The following WDTC1 variants were observed in gnomAD, a reference collection of about 807,000 sequenced individuals.
WDTC1 encodes the protein WD and tetratricopeptide repeats 1, also known as WD and tetratricopeptide repeats protein 1.
In WDTC1, 12 loss-of-function variants were observed where a neutral mutation model predicts 76.0. That is an observed-to-expected ratio of 0.16 (90% CI 0.10 to 0.26). The LOEUF is 0.26. WDTC1 is among the 10% of genes least tolerant of loss of function. WDTC1 has a pLI of 1.00. For synonymous variants in WDTC1, 326 were observed against 350.8 expected (o/e 0.93, Z 0.79); for missense variants, 511 against 908.8 (o/e 0.56, Z 5.63).
intron 1 of WDTC1, among the ~76,000 whole-genome samples, chr1:27,238,381 T>C (rs2011536334): frequency 6.6e-6 from 1 of 152,190 alleles, no homozygotes; most frequent in South Asian, 2.1e-4. Context: ...TAGACTTTGG[T>C]TTGATAGGAG....
chr1:27,263,406 C>T (rs912148126), intron 3 of WDTC1, among the ~76,000 whole-genome samples, 171 bp downstream of exon 3: 5 of 152,144 alleles, frequency 3.3e-5, no homozygotes, highest in Non-Finnish European at 7.4e-5. Context: ...CAGCAATTGA[C>T]ATAGTCACAT....
intron 12 of WDTC1, 55 bp downstream of exon 12, chr1:27,298,166 A>T (rs1163437960): frequency 6.7e-7 from 1 of 1,500,838 alleles, no homozygotes. Context: ...AAGCAGCTGG[A>T]CCAAAAGGCA....
intron 6 of WDTC1, among the ~76,000 whole-genome samples, chr1:27,289,176 C>T (rs1179024142): frequency 8.7e-5 from 13 of 149,556 alleles, no homozygotes; most frequent in Non-Finnish European, 1.0e-4. Context: ...CGCCCCTCAC[C>T]TCCCGGACGG....
Position 27,282,138 on chromosome 1 carries a change from T to C in WDTC1, c.133-101T>C, listed in dbSNP as rs909053527. 4.3e-6 allele frequency: 5 copies of C among 1,161,888 alleles called. No homozygotes were observed. In the African/African-American group the frequency reaches 4.6e-5, roughly 11 times the overall value. 72.0% of individuals were successfully genotyped at this position (1,161,888 alleles called of 1,614,324 possible). ...ACATGCACTTGGAAAATATTGAAAATGGAAAGACTGGTTTACCTGTTCAGT... is the reference window on the plus strand; with the variant it reads ...ACATGCACTTGGAAAATATTGAAAACGGAAAGACTGGTTTACCTGTTCAGT... On this transcript the variant is annotated intron_variant, in intron 3 of 15. Transcript: ENST00000319394.
At chr1:27,247,712 C>CTTTTTTTTTT (rs35930144) in intron 1 of WDTC1, among the ~76,000 whole-genome samples, 9 of 136,534 alleles carry the variant, frequency 6.6e-5, no homozygotes, top group African/African-American at 8.0e-5. Context: ...CATTTTCTTT[C>CTTTTTTTTTT]TTTTTTTTTT....
In WDTC1 at chr1:27,305,206, A is replaced by T; in HGVS notation, c.1836+13A>T. On this transcript the variant is annotated intron_variant, in intron 15 of 15. Coordinates refer to ENST00000319394, the MANE Select transcript of WDTC1 (RefSeq NM_001276252.2). This position sits in a 1 kb window ranked among gnomAD's most constrained non-coding sequence, Gnocchi z 4.6. Reference sequence around the variant, plus strand: ...CCCCCGACCAGAGGTGAGGGTGCAGAGCCAAGCAGAGAGGAGGGCAGGGAC... The same window carrying T: ...CCCCCGACCAGAGGTGAGGGTGCAGTGCCAAGCAGAGAGGAGGGCAGGGAC... The T allele has an allele frequency of 1.2e-6, 2 of 1,611,310 alleles. No homozygotes were observed. Among genetic ancestry groups the T allele is most frequent in the South Asian group, 2.2e-5 (2 of 90,960 alleles).
chr1:27,235,092 C>A, intron 1 of WDTC1, 141 bp downstream of exon 1: 1 of 304,108 alleles, frequency 3.3e-6, no homozygotes, highest in Non-Finnish European at 6.0e-6. Flanking sequence ...CCTCGGGGCC[C>A]CGGGTGTCCC....
intron 14 of WDTC1, chr1:27,304,072 C>CT (rs1448594476): frequency 2.6e-6 from 1 of 387,114 alleles, no homozygotes; most frequent in Non-Finnish European, 4.6e-6. Flanking sequence ...CCCCCACCTC[C>CT]TTCTCCCTCT....
At chr1:27,271,508 C>G (rs900708669) in intron 3 of WDTC1, among the ~76,000 whole-genome samples, 1 of 152,106 alleles carries the variant, frequency 6.6e-6, no homozygotes, top group Non-Finnish European at 1.5e-5. Flanking sequence ...AGCCACCATG[C>G]CTGTTTACTT....
At chr1:27,287,193 A>T (rs532253438) in intron 5 of WDTC1, among the ~76,000 whole-genome samples, 1 of 151,484 alleles carries the variant, frequency 6.6e-6, no homozygotes, top group African/African-American at 2.4e-5. Flanking sequence ...ACCCACACAC[A>T]CCCATTCCCT....
intron 3 of WDTC1, among the ~76,000 whole-genome samples, chr1:27,275,609 C>G: frequency 6.7e-6 from 1 of 148,506 alleles, no homozygotes; most frequent in Non-Finnish European, 1.5e-5. Context: ...CAGAGTGAGA[C>G]TCTGTCTCAA....
intron 2 of WDTC1, among the ~76,000 whole-genome samples, chr1:27,262,356 C>T (rs2012506725): frequency 6.6e-6 from 1 of 151,920 alleles, no homozygotes; most frequent in Non-Finnish European, 1.5e-5. Flanking sequence ...GTGTATTTTT[C>T]CCTGCATCCC....
intron 3 of WDTC1, among the ~76,000 whole-genome samples, chr1:27,264,406 T>G (rs1468566751): frequency 2.0e-5 from 3 of 151,954 alleles, no homozygotes; most frequent in African/African-American, 7.3e-5. Flanking sequence ...CTGAGCAATA[T>G]AGCAAGACCT....
chr1:27,282,710 C>T (rs937492130), intron 4 of WDTC1, among the ~76,000 whole-genome samples: 1 of 151,890 alleles, frequency 6.6e-6, no homozygotes, highest in African/African-American at 2.4e-5. Context: ...TGCCATGTTG[C>T]CCAGGCTGGT....
At chr1:27,253,461 TTCTTCC>T (rs1378629148) in intron 1 of WDTC1, among the ~76,000 whole-genome samples, 2 of 127,218 alleles carry the variant, frequency 1.6e-5, no homozygotes, top group East Asian at 2.7e-4. Flanking sequence ...TCCTCTTCTC[TTCTTCC>T]TCTTCCTCTT....
chr1:27,306,600 AAAAG>A lies in WDTC1; in HGVS notation c.*219_*222del, dbSNP rs2013961686. On this transcript the variant is annotated 3_prime_UTR_variant, in exon 16 of 16. Transcript: ENST00000319394. The surrounding 1 kb of genome is among the most constrained non-coding windows in gnomAD (Gnocchi z 5.0). ...CCCCTGACTATCCCCAGCCCTGAAA[AAAAG>A]AGCAGGAGGGGACACCCCTCCATAT... is the stretch of plus-strand genomic sequence containing the variant. The A allele has an allele frequency of 6.4e-6, 4 of 622,268 alleles. No homozygotes were observed. In the South Asian group the frequency reaches 8.2e-5, roughly 13 times the overall value. The allele number at this position is 622,268 out of a possible 1,614,324, so 38.5% of individuals were successfully genotyped here.
intron 1 of WDTC1, among the ~76,000 whole-genome samples, chr1:27,256,914 C>T (rs1293221922): frequency 2.0e-5 from 3 of 152,100 alleles, no homozygotes; most frequent in Admixed American, 6.6e-5. Context: ...CAGGCTGGAG[C>T]GCAGTAGCAC....
intron 3 of WDTC1, among the ~76,000 whole-genome samples, chr1:27,266,047 C>A (rs752244895): frequency 1.3e-5 from 2 of 152,004 alleles, no homozygotes; most frequent in African/African-American, 4.8e-5. Flanking sequence ...TTTTTAATAG[C>A]GTAAAGGGGT....
chr1:27,282,824 A>C (rs1309516145), intron 4 of WDTC1, among the ~76,000 whole-genome samples: 1 of 151,674 alleles, frequency 6.6e-6, no homozygotes, highest in African/African-American at 2.4e-5. Context: ...TTTTTTTAAT[A>C]AGCCAATGTG....
Sources: gnomAD v4.1 joint callset for allele counts (sites outside exome capture counted in the v4.1 genomes callset) on GRCh38, gnomAD v4.1.1 for gene constraint, Gnocchi (gnomAD v3.1) non-coding constraint, MANE v1.5 for transcripts, NCBI Gene and HGNC (gene_info 2026-07-23, HGNC 2026-07-21) for gene names.